The following NMT1 variants were observed in gnomAD, a reference collection of about 807,000 sequenced individuals.
The protein encoded by NMT1 is N-myristoyltransferase 1.
A neutral mutation model predicts 63.4 loss-of-function variants in NMT1; 12 were observed. The observed-to-expected ratio is 0.19, with a 90% CI of 0.12 to 0.31. The LOEUF is 0.31. Among genes scored for constraint, NMT1 ranks in the 10% least tolerant of loss-of-function variants. NMT1 has a pLI of 1.00. For missense variants in NMT1, 432 were observed against 634.6 expected (o/e 0.68, Z 3.43); for synonymous variants, 228 against 234.3 (o/e 0.97, Z 0.25).
intron 2 of NMT1, 53 bp from the exon 3 acceptor site, chr17:45,086,455 A>G (rs2143490806): frequency 1.9e-6 from 3 of 1,542,770 alleles, no homozygotes; most frequent in Admixed American, 2.1e-5. Flanking sequence ...TAATTAATCA[A>G]AAGTCTTACT....
chr17:45,084,365 C>T (rs1229044202), intron 2 of NMT1, among the ~76,000 whole-genome samples: 1 of 137,296 alleles, frequency 7.3e-6, no homozygotes, highest in African/African-American at 2.8e-5. Context: ...GACGGAGTCT[C>T]GCTCTGTCGC....
At position 45,104,270 on chromosome 17, in the gene NMT1, G is replaced by A. The variant is rs1034956323; in HGVS notation, c.1332+394G>A. The A allele has an allele frequency of 4.0e-5, 48 of 1,191,214 alleles. No individual in the cohort carries two copies. Among genetic ancestry groups the A allele is most frequent in the Admixed American group, 1.6e-4 (4 of 25,462 alleles). 73.8% of individuals were successfully genotyped at this position (1,191,214 alleles called of 1,614,324 possible). ...ACTGCCAGTAGCGGATGGCGAGCCC[G>A]TCTGTCAGTGCTTTGCTGTGGGTTC... On this transcript the variant is annotated intron_variant, in intron 10 of 11. Transcript: ENST00000258960. The surrounding 1 kb of genome is among the most constrained non-coding windows in gnomAD (Gnocchi z 4.2).
chr17:45,092,536 G>GA (rs373277962), intron 3 of NMT1, among the ~76,000 whole-genome samples: 17,585 of 139,740 alleles, frequency 0.13, 1,019 homozygotes, highest in Middle Eastern at 0.2. Context: ...CATCTCTACT[G>GA]AAAAAAAAAA....
At chr17:45,092,664 C>T (rs1425031068) in intron 3 of NMT1, among the ~76,000 whole-genome samples, 21 of 148,378 alleles carry the variant, frequency 1.4e-4, no homozygotes, top group Admixed American at 6.1e-4. Context: ...GAGCCAAGAT[C>T]GCACCACTGT....
chr17:45,099,301 T>C lies in NMT1; in HGVS notation c.885-104T>C, dbSNP rs933032056. On this transcript the variant is annotated intron_variant, in intron 7 of 11. Transcript: ENST00000258960. ...CACCACTGACTCCGGAGGCACCTGA[T>C]GTGTCTCTCACGCCACCTGCTGGCC... 3 of 777,022 alleles carry C rather than the reference T, an allele frequency of 3.9e-6. No individual in the cohort carries two copies. The African/African-American group carries it at 5.1e-5, about 13-fold the overall frequency. 48.1% of individuals were successfully genotyped at this position (777,022 alleles called of 1,614,324 possible). A position where few individuals can be genotyped will look rare whatever the true frequency, so the allele number is the denominator to read the frequency against.
intron 3 of NMT1, among the ~76,000 whole-genome samples, chr17:45,090,401 G>A (rs1376925595): frequency 2.0e-5 from 3 of 152,072 alleles, no homozygotes; most frequent in Non-Finnish European, 2.9e-5. Context: ...AGATCATGTC[G>A]TTCTTCTTTT....
At chr17:45,067,419 C>T (rs973421116) in intron 1 of NMT1, among the ~76,000 whole-genome samples, 4 of 152,228 alleles carry the variant, frequency 2.6e-5, no homozygotes, top group Non-Finnish European at 5.9e-5. Flanking sequence ...CCATCCTGCT[C>T]TCTTACTCCC....
In NMT1 at chr17:45,093,699, A is replaced by G; in HGVS notation, c.400A>G (p.Thr134Ala). Reference sequence around the variant, plus strand: ...TCTTCTTTCAGGCGAAGTGGTGAACACCCATGGCCCCGTGGAGCCTGACAA... The same window carrying G: ...TCTTCTTTCAGGCGAAGTGGTGAACGCCCATGGCCCCGTGGAGCCTGACAA... ...PVPKLGEVVN[T>A]HGPVEPDKDN... The change falls in exon 4 of 12, where the codon ACC becomes GCC. Residue 134 changes from threonine to alanine, a missense_variant. Thr to Ala is a moderately conservative substitution (Grantham distance 58). Transcript: ENST00000258960. 6.2e-7 allele frequency: 1 copy of G among 1,614,156 alleles called. No individual in the cohort carries two copies. Among genetic ancestry groups the G allele is most frequent in the Non-Finnish European group, 8.5e-7 (1 of 1,180,002 alleles).
In NMT1 at chr17:45,098,702, T is replaced by C. The variant is rs996626589; in HGVS notation, c.884+150T>C. On this transcript the variant is annotated intron_variant, in intron 7 of 11. Coordinates refer to ENST00000258960, the MANE Select transcript of NMT1 (RefSeq NM_021079.5). Reference sequence around the variant, plus strand: ...GCACTTGGTGCCTGCAGGAGCCAGATGGGGAGCATGGAGAGGGCGGGAGGG... The same window carrying C: ...GCACTTGGTGCCTGCAGGAGCCAGACGGGGAGCATGGAGAGGGCGGGAGGG... The C allele has an allele frequency of 7.6e-5, 51 of 673,992 alleles. No individual in the cohort carries two copies. In the African/African-American group the frequency reaches 9.1e-4, roughly 12 times the overall value. The allele number at this position is 673,992 out of a possible 1,614,324, so 41.8% of individuals were successfully genotyped here.
At position 45,104,936 on chromosome 17, in the gene NMT1, G is replaced by A; in HGVS notation, c.1410G>A (p.Gly470=). The A allele has an allele frequency of 6.2e-7, 1 of 1,614,144 alleles. No homozygotes were observed. Residue 470 remains glycine, a synonymous_variant, in exon 11 of 12, where the codon GGG becomes GGA. Transcript: ENST00000258960. The surrounding 1 kb of genome is among the most constrained non-coding windows in gnomAD (Gnocchi z 4.2). ...TFLEKLKFGI[G]DGNLQYYLYN... ...TGGAGAAGCTCAAGTTTGGCATAGG[G>A]GACGGCAACCTGCAGTATTACCTTT...
At position 45,104,733 on chromosome 17, in the gene NMT1, A is replaced by G; in HGVS notation, c.1333-126A>G. On this transcript the variant is annotated intron_variant, in intron 10 of 11. Transcript: ENST00000258960. This position sits in a 1 kb window ranked among gnomAD's most constrained non-coding sequence, Gnocchi z 4.2. The stretch of plus-strand genomic sequence containing the variant: ...GCGGGGATTAACGTGGAAGCAGCGG[A>G]GCTTCTGAGGGAACCTTGTTCTTGT... The G allele has an allele frequency of 6.6e-7, 1 of 1,507,540 alleles. No individual in the cohort carries two copies. The highest frequency in any genetic ancestry group is 8.9e-7 in the Non-Finnish European group (1 of 1,129,008). The allele number at this position is 1,507,540 out of a possible 1,614,324, so 93.4% of individuals were successfully genotyped here.
Position 45,105,558 on chromosome 17 carries a change from T to C in NMT1, c.1471-61T>C. On this transcript the variant is annotated intron_variant, in intron 11 of 11. Transcript: ENST00000258960. This position sits in a 1 kb window ranked among gnomAD's most constrained non-coding sequence, Gnocchi z 4.2. ...CACTCGGAACTTCAGGGATAGGGGG[T>C]GTGGGAGAGTCTTTGGGCCACTGTC... 6.3e-7 allele frequency: 1 copy of C among 1,589,548 alleles called. No homozygotes were observed. Among genetic ancestry groups the C allele is most frequent in the Non-Finnish European group, 8.6e-7 (1 of 1,159,768 alleles).
At chr17:45,094,111 C>A (rs2054107921) in intron 4 of NMT1, among the ~76,000 whole-genome samples, 2 of 152,248 alleles carry the variant, frequency 1.3e-5, no homozygotes, top group South Asian at 4.1e-4. Context: ...GCAGCTGGGG[C>A]TGCTAAATGA....
At chr17:45,072,791 C>T (rs942409044) in intron 1 of NMT1, among the ~76,000 whole-genome samples, 1 of 137,564 alleles carries the variant, frequency 7.3e-6, no homozygotes, top group African/African-American at 2.7e-5. Flanking sequence ...GATCTCCTGA[C>T]GTCGTGATCC....
At chr17:45,077,527 A>AT (rs1391765276) in intron 1 of NMT1, among the ~76,000 whole-genome samples, 1 of 152,156 alleles carries the variant, frequency 6.6e-6, no homozygotes, top group Non-Finnish European at 1.5e-5. Flanking sequence ...AGTAGCTGGG[A>AT]TTACAGGCAT....
intron 5 of NMT1, among the ~76,000 whole-genome samples, 199 bp downstream of exon 5, chr17:45,096,484 G>C (rs1341876761): frequency 6.6e-6 from 1 of 152,182 alleles, no homozygotes; most frequent in African/African-American, 2.4e-5. Flanking sequence ...CAATTGACTG[G>C]GTGAGGGAGA....
At chr17:45,087,135 T>C (rs1013572423) in intron 3 of NMT1, among the ~76,000 whole-genome samples, 2 of 151,636 alleles carry the variant, frequency 1.3e-5, no homozygotes, top group African/African-American at 4.9e-5. Flanking sequence ...CACTCCAGCC[T>C]ATGTGACAGG....
chr17:45,062,664 C>G (rs184775417), intron 1 of NMT1, among the ~76,000 whole-genome samples: 28 of 152,326 alleles, frequency 1.8e-4, no homozygotes, highest in Non-Finnish European at 4.1e-4. Flanking sequence ...CAGCCTATTG[C>G]TCCTAGGCTA....
intron 1 of NMT1, 29 bp downstream of exon 1, chr17:45,061,489 G>A (rs746883392): frequency 1.2e-6 from 2 of 1,602,638 alleles, no homozygotes; most frequent in African/African-American, 1.3e-5. Flanking sequence ...TCCAATTCCC[G>A]TCCAGCCTCC....
Sources: gnomAD v4.1 joint callset for allele counts (sites outside exome capture counted in the v4.1 genomes callset) on GRCh38, gnomAD v4.1.1 for gene constraint, Gnocchi (gnomAD v3.1) non-coding constraint, MANE v1.5 for transcripts, NCBI Gene and HGNC (gene_info 2026-07-23, HGNC 2026-07-21) for gene names.